ANKS1B: variants seen among roughly 807,000 people sequenced by gnomAD.
The protein encoded by ANKS1B is ankyrin repeat and sterile alpha motif domain-containing protein 1B.
In ANKS1B, 36 loss-of-function variants were observed where a neutral mutation model predicts 148.3. The observed-to-expected ratio is 0.24, with a 90% CI of 0.19 to 0.32. The LOEUF is 0.32. Among genes scored for constraint, ANKS1B ranks in the 10% least tolerant of loss-of-function variants. ANKS1B has a pLI of 1.00. For synonymous variants in ANKS1B, 542 were observed against 560.8 expected, an observed-to-expected ratio of 0.97 and a Z score of 0.47; for missense variants, 1,157 against 1,542.6, an observed-to-expected ratio of 0.75 and a Z score of 4.19.
Position 99,897,724 on chromosome 12 carries a change from T to C in ANKS1B, c.135-72335A>G, listed in dbSNP as rs527438819. On this transcript the variant is annotated intron_variant, in intron 1 of 26. Transcript: ENST00000683438. The stretch of plus-strand genomic sequence containing the variant: ...TGCTTAGAACAAGGACGGGGAGCCA[T>C]TTTGGCTATAAAGTTTAGACAGCTT... Among the ~76,000 whole-genome samples, 51 of 150,948 alleles carry C rather than the reference T, an allele frequency of 3.4e-4. 4 individuals carry two copies. The highest frequency in any genetic ancestry group is 6.5e-4 in the Non-Finnish European group (44 of 67,392).
intron 15 of ANKS1B, among the ~76,000 whole-genome samples, chr12:99,092,297 G>C (rs1204927197): frequency 6.6e-6 from 1 of 152,080 alleles, no homozygotes; most frequent in Admixed American, 6.6e-5. Context: ...GTCTGAGCAG[G>C]GGGTGCGGCT....
At chr12:99,159,084 A>G (rs1601249665) in intron 14 of ANKS1B, among the ~76,000 whole-genome samples, 1 of 152,294 alleles carries the variant, frequency 6.6e-6, no homozygotes, top group East Asian at 1.9e-4. Context: ...CATGCCCAGA[A>G]AGGTAAACTA....
intron 8 of ANKS1B, among the ~76,000 whole-genome samples, chr12:99,757,045 G>T (rs1346296924): frequency 3.9e-5 from 6 of 152,042 alleles, no homozygotes; most frequent in African/African-American, 9.7e-5. Flanking sequence ...AATGGGCAAA[G>T]ATTTCATGAC....
chr12:99,775,497 T>A, intron 7 of ANKS1B, 51 bp downstream of exon 7: 1 of 1,264,780 alleles, frequency 7.9e-7, no homozygotes, highest in South Asian at 1.2e-5. Flanking sequence ...TTTTCACAAC[T>A]GTACATACAA....
At chr12:99,801,741 T>C (rs1294731815) in intron 4 of ANKS1B, among the ~76,000 whole-genome samples, 2 of 152,110 alleles carry the variant, frequency 1.3e-5, no homozygotes, top group Non-Finnish European at 2.9e-5. Context: ...AGAAAAAACG[T>C]ATGGTATTAA....
chr12:99,646,253 A>G (rs1291087926), intron 9 of ANKS1B, among the ~76,000 whole-genome samples: 4 of 152,202 alleles, frequency 2.6e-5, no homozygotes, highest in Admixed American at 2.6e-4. Context: ...AGTGCTATTG[A>G]TATGTGAATA....
intron 12 of ANKS1B, among the ~76,000 whole-genome samples, chr12:99,332,624 A>G (rs1323895715): frequency 6.6e-6 from 1 of 151,836 alleles, no homozygotes; most frequent in Non-Finnish European, 1.5e-5. Context: ...TTGGAGACAT[A>G]TAAGGAAGGT....
chr12:99,548,169 C>T (rs2097187780), intron 9 of ANKS1B, among the ~76,000 whole-genome samples: 1 of 152,138 alleles, frequency 6.6e-6, no homozygotes, highest in Non-Finnish European at 1.5e-5. Flanking sequence ...AAAGGTAAGC[C>T]TGAAATATAT....
At chr12:99,857,304 T>C (rs1603360798) in intron 1 of ANKS1B, among the ~76,000 whole-genome samples, 3 of 151,892 alleles carry the variant, frequency 2.0e-5, no homozygotes, top group Admixed American at 2.0e-4. Context: ...AAAAATAAAA[T>C]AAAATATTTA....
At chr12:99,756,165 C>T (rs879722347) in intron 8 of ANKS1B, among the ~76,000 whole-genome samples, 8 of 127,594 alleles carry the variant, frequency 6.3e-5, no homozygotes, top group Non-Finnish European at 1.2e-4. Flanking sequence ...TCCCTGTTTG[C>T]AGATGACATG....
chr12:99,200,378 T>A (rs2081930964), intron 14 of ANKS1B, among the ~76,000 whole-genome samples: 1 of 152,248 alleles, frequency 6.6e-6, no homozygotes, highest in African/African-American at 2.4e-5. Context: ...TTGCCATAAA[T>A]CTGCTTCCAT....
intron 9 of ANKS1B, among the ~76,000 whole-genome samples, chr12:99,576,366 C>G (rs1375469719): frequency 6.6e-6 from 1 of 151,996 alleles, no homozygotes; most frequent in Non-Finnish European, 1.5e-5. Flanking sequence ...GACCTCAACT[C>G]AACACTTGAC....
chr12:98,986,637 C>T (rs1376524078), intron 17 of ANKS1B, among the ~76,000 whole-genome samples: 1 of 151,848 alleles, frequency 6.6e-6, no homozygotes, highest in African/African-American at 2.4e-5. Context: ...TTTTTGGAGA[C>T]AGGGTCTTGC....
chr12:99,616,833 C>T (rs930767076), intron 9 of ANKS1B, among the ~76,000 whole-genome samples: 3 of 152,022 alleles, frequency 2.0e-5, no homozygotes, highest in Non-Finnish European at 2.9e-5. Flanking sequence ...GCAAAAGAAG[C>T]TATCATCGGA....
At chr12:99,815,188 C>A (rs1253305152) in intron 2 of ANKS1B, among the ~76,000 whole-genome samples, 4 of 151,694 alleles carry the variant, frequency 2.6e-5, no homozygotes, top group African/African-American at 2.4e-5. Context: ...TTCTTTGGCT[C>A]AAATTTTACT....
chr12:99,620,870 C>A (rs2153372121), intron 9 of ANKS1B, among the ~76,000 whole-genome samples: 1 of 152,184 alleles, frequency 6.6e-6, no homozygotes, highest in African/African-American at 2.4e-5. Context: ...CCTAATCTTG[C>A]TAGAGAGGTA....
At chr12:99,155,326 G>A (rs923365529) in intron 14 of ANKS1B, among the ~76,000 whole-genome samples, 1 of 151,972 alleles carries the variant, frequency 6.6e-6, no homozygotes, top group African/African-American at 2.4e-5. Context: ...AAGCCTCTCC[G>A]AGATATATAT....
chr12:98,921,261 G>A (rs536959036), intron 17 of ANKS1B, among the ~76,000 whole-genome samples: 1 of 152,194 alleles, frequency 6.6e-6, no homozygotes, highest in African/African-American at 2.4e-5. Context: ...TGCCAAGGAT[G>A]CACCCAAAAT....
intron 17 of ANKS1B, among the ~76,000 whole-genome samples, chr12:98,838,266 T>C (rs191949275): frequency 6.6e-6 from 1 of 152,338 alleles, no homozygotes; most frequent in Admixed American, 6.5e-5. Flanking sequence ...CCGTTCTCAA[T>C]GCCATGTTTA....
Sources: gnomAD v4.1 joint callset for allele counts (sites outside exome capture counted in the v4.1 genomes callset) on GRCh38, gnomAD v4.1.1 for gene constraint, MANE v1.5 for transcripts, NCBI Gene and HGNC (gene_info 2026-07-23, HGNC 2026-07-21) for gene names.